RGS7: variants seen among roughly 807,000 people sequenced by gnomAD.
The protein encoded by RGS7 is regulator of G protein signaling 7, also known as regulator of G-protein signaling 7.
In RGS7, 27 loss-of-function variants were observed where a neutral mutation model predicts 81.1. The ratio of observed to expected loss-of-function variants is 0.33; its 90% confidence interval spans 0.25 to 0.46. RGS7 has a LOEUF of 0.46. Among genes scored for constraint, RGS7 ranks in the 20% least tolerant of loss-of-function variants. RGS7 has a pLI of 1.00. For missense variants in RGS7, 396 were observed against 607.4 expected, an observed-to-expected ratio of 0.65 and a Z score of 3.66; for synonymous variants, 208 against 207.7, an observed-to-expected ratio of 1.00 and a Z score of -0.01.
intron 3 of RGS7, among the ~76,000 whole-genome samples, chr1:240,986,116 G>A (rs1349913260): frequency 2.0e-5 from 3 of 152,064 alleles, no homozygotes; most frequent in African/African-American, 7.2e-5. Context: ...CACTTTCACT[G>A]TAGCCTATGG....
rs71571833 is a variant in RGS7 at position 241,309,386 on chromosome 1, CA to C, written c.78+46312del. Among the ~76,000 whole-genome samples, 319 of 85,242 alleles carry C rather than the reference CA, an allele frequency of 3.7e-3. 3 individuals carry two copies. Among genetic ancestry groups the C allele is most frequent in the African/African-American group, 0.013 (273 of 21,680 alleles). 55.9% of individuals were successfully genotyped at this position (85,242 alleles called of 152,430 possible). On this transcript the variant is annotated intron_variant, in intron 2 of 18. Transcript: ENST00000440928. ...GGGCAACAAGAGCGAAACTCCAACT[CA>C]AAAAAAAAAAAAAAAAAGGAAAAAG...
At chr1:240,789,204 A>G (rs1025857897) in intron 18 of RGS7, among the ~76,000 whole-genome samples, 1 of 152,180 alleles carries the variant, frequency 6.6e-6, no homozygotes, top group Non-Finnish European at 1.5e-5. Flanking sequence ...TTCCCCAATC[A>G]ATACCCTTGT....
intron 2 of RGS7, among the ~76,000 whole-genome samples, chr1:241,299,935 C>CAA (rs35939099): frequency 0.73 from 42,618 of 58,256 alleles, 14,823 homozygotes; most frequent in South Asian, 0.9. Context: ...CTCGTTTCTC[C>CAA]AAAAAAAAAA....
At position 241,355,798 on chromosome 1, in the gene RGS7, T is replaced by A. The variant is rs4659599; in HGVS notation, c.-22A>T. ...CCATGTCACCCAAAACTTGGTCCAC[T>A]CTCAAGATACAAGAATTATCAGTGT... is the stretch of plus-strand genomic sequence containing the variant. On this transcript the variant is annotated 5_prime_UTR_variant, in exon 2 of 19. Transcript: ENST00000440928. The A allele has an allele frequency of 0.98, 1,582,670 of 1,610,710 alleles. 778,136 individuals carry two copies. The highest frequency in any genetic ancestry group is 1 in the East Asian group (44,776 of 44,848).
At chr1:240,819,451 C>T (rs1192948749) in intron 10 of RGS7, among the ~76,000 whole-genome samples, 1 of 151,974 alleles carries the variant, frequency 6.6e-6, no homozygotes, top group African/African-American at 2.4e-5. Flanking sequence ...CATAGAGGTC[C>T]GATACGAGGC....
intron 4 of RGS7, among the ~76,000 whole-genome samples, chr1:240,980,939 C>T (rs956435086): frequency 3.3e-5 from 5 of 152,180 alleles, no homozygotes; most frequent in Admixed American, 3.3e-4. Context: ...AAAACTTCCT[C>T]AAAGTGTTCA....
intron 6 of RGS7, among the ~76,000 whole-genome samples, chr1:240,877,653 T>C (rs1343471705): frequency 6.6e-6 from 1 of 152,214 alleles, no homozygotes; most frequent in African/African-American, 2.4e-5. Context: ...TGAGTTCTTA[T>C]TATTGGACAT....
intron 9 of RGS7, among the ~76,000 whole-genome samples, chr1:240,843,431 G>T (rs1658485878): frequency 1.3e-5 from 2 of 151,586 alleles, no homozygotes; most frequent in Non-Finnish European, 2.9e-5. Flanking sequence ...ATGGCTGGCT[G>T]ATTTTTGTAT....
In RGS7 at chr1:240,811,095, A is replaced by C. The variant is rs531729730; in HGVS notation, c.1082+823T>G. On this transcript the variant is annotated intron_variant, in intron 14 of 18. Coordinates refer to ENST00000440928, the MANE Select transcript of RGS7 (RefSeq NM_001364886.1). ...CTGGCACTACTTCGTTCCAATGAAA[A>C]TAAATGAATGCAGAGAACTTTCAGT... Among the ~76,000 whole-genome samples the C allele has an allele frequency of 6.6e-5, 10 of 152,334 alleles. No homozygotes were observed. In the East Asian group the frequency reaches 1.7e-3, roughly 27 times the overall value.
chr1:240,990,681 C>T (rs922318514), intron 3 of RGS7, among the ~76,000 whole-genome samples: 1 of 152,172 alleles, frequency 6.6e-6, no homozygotes, highest in Admixed American at 6.5e-5. Flanking sequence ...TTAACTTCTG[C>T]TCACAGTTTG....
At position 240,816,317 on chromosome 1, in the gene RGS7, CTGT is replaced by C. The variant is rs1273901058; in HGVS notation, c.780_782del (p.Gln261del). On this transcript the variant is annotated inframe_deletion and splice_region_variant, in exon 11 of 19. Transcript: ENST00000440928. ...CAGGTCATCTCATAGGTTGACTCACCTGTTGTTGTAACTCATCTTCTGTTGGAG... is the reference window on the plus strand; with the variant it reads ...CAGGTCATCTCATAGGTTGACTCACCTGTTGTAACTCATCTTCTGTTGGAG... 6.3e-7 allele frequency: 1 copy of C among 1,599,036 alleles called. No individual in the cohort carries two copies. The highest frequency in any genetic ancestry group is 1.3e-5 in the African/African-American group (1 of 74,554).
At chr1:241,306,645 C>T (rs1420018900) in intron 2 of RGS7, among the ~76,000 whole-genome samples, 1 of 141,750 alleles carries the variant, frequency 7.1e-6, no homozygotes, top group African/African-American at 2.5e-5. Flanking sequence ...TGCACGTACC[C>T]TTTCACACAC....
At chr1:241,302,827 A>G (rs868185345) in intron 2 of RGS7, among the ~76,000 whole-genome samples, 2 of 152,088 alleles carry the variant, frequency 1.3e-5, no homozygotes, top group Non-Finnish European at 2.9e-5. Context: ...CTTTTCAACC[A>G]TAAGTATTTC....
intron 2 of RGS7, among the ~76,000 whole-genome samples, chr1:241,189,890 C>A (rs533808728): frequency 1.3e-5 from 2 of 151,788 alleles, no homozygotes; most frequent in African/African-American, 2.4e-5. Flanking sequence ...CCAAGGCGGG[C>A]GGATCACAAG....
chr1:240,868,488 AT>A lies in RGS7; in HGVS notation c.609+98del. The A allele has an allele frequency of 1.0e-6, 1 of 971,804 alleles. No individual in the cohort carries two copies. Among genetic ancestry groups the A allele is most frequent in the Non-Finnish European group, 1.7e-6 (1 of 599,886 alleles). The allele number at this position is 971,804 out of a possible 1,614,324, so 60.2% of individuals were successfully genotyped here. A position where few individuals can be genotyped will look rare whatever the true frequency, so the allele number is the denominator to read the frequency against. On this transcript the variant is annotated intron_variant, in intron 9 of 18. Transcript: ENST00000440928. The surrounding 1 kb of genome is among the most constrained non-coding windows in gnomAD (Gnocchi z 5.1). ...TTCACCAAGATACCATGGAGCGTGC[AT>A]GGGGTCACTACAGTCTTTCACTTAC...
intron 3 of RGS7, among the ~76,000 whole-genome samples, chr1:241,004,690 C>T (rs1461116288): frequency 3.3e-5 from 5 of 150,548 alleles, no homozygotes; most frequent in Non-Finnish European, 7.4e-5. Context: ...AGTGGGGAAG[C>T]CCAGCAACGC....
intron 2 of RGS7, among the ~76,000 whole-genome samples, chr1:241,179,850 CAT>C (rs2071453946): frequency 7.0e-6 from 1 of 142,848 alleles, no homozygotes; most frequent in African/African-American, 2.5e-5. Context: ...TACATAAAAT[CAT>C]ACACACATGA....
At chr1:241,276,301 G>C (rs2078191199) in intron 2 of RGS7, among the ~76,000 whole-genome samples, 1 of 152,150 alleles carries the variant, frequency 6.6e-6, no homozygotes, top group African/African-American at 2.4e-5. Flanking sequence ...AGTCTATCAA[G>C]GGTTCAGCCT....
chr1:240,788,152 T>A (rs965836498), intron 18 of RGS7, among the ~76,000 whole-genome samples: 3 of 152,238 alleles, frequency 2.0e-5, no homozygotes, highest in Non-Finnish European at 4.4e-5. Flanking sequence ...TAAGACATCT[T>A]TATCAAGTGT....
Sources: gnomAD v4.1 joint callset for allele counts (sites outside exome capture counted in the v4.1 genomes callset) on GRCh38, gnomAD v4.1.1 for gene constraint, Gnocchi (gnomAD v3.1) non-coding constraint, MANE v1.5 for transcripts, NCBI Gene and HGNC (gene_info 2026-07-23, HGNC 2026-07-21) for gene names.